FANCA: variants seen among roughly 807,000 people sequenced by gnomAD.
The protein encoded by FANCA is FA complementation group A.
A neutral mutation model predicts 194.3 loss-of-function variants in FANCA; 236 were observed. That is an observed-to-expected ratio of 1.21 (90% CI 1.09 to 1.35). The LOEUF (loss-of-function observed/expected upper bound fraction) is 1.35. Among genes scored for constraint, FANCA ranks in the 40% most tolerant of loss-of-function variants. FANCA has a pLI of 0.00. For missense variants in FANCA, 2,628 were observed against 1,813.9 expected (o/e 1.45, Z -8.15); for synonymous variants, 1,014 against 715.8 (o/e 1.42, Z -6.65).
intron 10 of FANCA, 43 bp from the exon 11 acceptor site, chr16:89,796,061 C>T: frequency 1.4e-6 from 2 of 1,451,270 alleles, no homozygotes; most frequent in Non-Finnish European, 1.9e-6. Context: ...GGGAGGGTGC[C>T]TTGCACGCCA....
chr16:89,802,597 A>AT (rs1290684945), intron 8 of FANCA, among the ~76,000 whole-genome samples: 4 of 150,334 alleles, frequency 2.7e-5, no homozygotes, highest in Non-Finnish European at 4.4e-5. Context: ...TAGAGACGGG[A>AT]TTTTACCATG....
chr16:89,765,251 C>T (rs1198935367), intron 27 of FANCA, among the ~76,000 whole-genome samples, 185 bp from the exon 28 acceptor site: 2 of 151,916 alleles, frequency 1.3e-5, no homozygotes, highest in East Asian at 3.9e-4. Context: ...CTCAGTCCAG[C>T]CCCTGGGAGG....
At chr16:89,799,468 G>A in intron 9 of FANCA, 137 bp downstream of exon 9, 3 of 1,011,172 alleles carry the variant, frequency 3.0e-6, no homozygotes, top group East Asian at 2.4e-5. Context: ...CCAAAACAAG[G>A]GCATTCCAGT....
In FANCA at chr16:89,773,347, A is replaced by G. The variant is rs1429790431; in HGVS notation, c.1938T>C (p.Ala646=). 1.3e-6 allele frequency: 2 copies of G among 1,551,600 alleles called. No individual in the cohort carries two copies. The highest frequency in any genetic ancestry group is 2.0e-5 in the Admixed American group (1 of 50,996). Residue 646 remains alanine, a synonymous_variant, in exon 22 of 43, where the codon GCT becomes GCC. Coordinates refer to ENST00000389301, the MANE Select transcript of FANCA (RefSeq NM_000135.4). ...ALGVRAEPNS[A]EEPLGQLTAA... ...CTGTGAGCTGTCCCAGGGGCTCCTC[A>G]GCAGAGTTGGGTTCTGCCCTCACTC...
In FANCA at chr16:89,779,864, C is replaced by G; in HGVS notation, c.1715+5G>C. 5 of 1,613,316 alleles carry G rather than the reference C, an allele frequency of 3.1e-6. No homozygotes were observed. Among genetic ancestry groups the G allele is most frequent in the Non-Finnish European group, 4.2e-6 (5 of 1,179,890 alleles). ...GCTAGAGGCCTTTTCGGCAGCCCAG[C>G]CTACCTGGCCTCCATGACGGTGACT... is the stretch of plus-strand genomic sequence containing the variant. On this transcript the variant is annotated splice_donor_5th_base_variant and intron_variant, in intron 18 of 42. Coordinates refer to ENST00000389301, the MANE Select transcript of FANCA (RefSeq NM_000135.4).
intron 30 of FANCA, among the ~76,000 whole-genome samples, chr16:89,754,230 AAAAAC>A (rs200218695): frequency 5.4e-5 from 8 of 149,412 alleles, no homozygotes; most frequent in South Asian, 4.2e-4. Context: ...TCAGAAAAAA[AAAAAC>A]AAAACAAAAC....
chr16:89,793,895 C>T (rs1241438031), intron 11 of FANCA, among the ~76,000 whole-genome samples: 5 of 152,116 alleles, frequency 3.3e-5, no homozygotes, highest in South Asian at 2.1e-4. Flanking sequence ...GGACTACAGG[C>T]GCCCACCACC....
In FANCA at chr16:89,737,636, TTAAAGATCTTAA is replaced by T. The variant is rs2061981619; in HGVS notation, c.*953_*964del. ...GCCACGTGACAGTGTATAAAGCAGT[TTAAAGATCTTAA>T]TAAACGAGGCCCTCATAGGCCCCTT... is the stretch of plus-strand genomic sequence containing the variant. On this transcript the variant is annotated 3_prime_UTR_variant, in exon 43 of 43. Transcript: ENST00000389301. 7.5e-7 allele frequency: 1 copy of T among 1,335,820 alleles called. No individual in the cohort carries two copies. The highest frequency in any genetic ancestry group is 1.0e-6 in the Non-Finnish European group (1 of 1,002,050). 82.7% of individuals were successfully genotyped at this position (1,335,820 alleles called of 1,614,324 possible). A position where few individuals can be genotyped will look rare whatever the true frequency, so the allele number is the denominator to read the frequency against.
At chr16:89,746,194 C>T (rs1476946917) in intron 35 of FANCA, among the ~76,000 whole-genome samples, 1 of 152,146 alleles carries the variant, frequency 6.6e-6, no homozygotes, top group Non-Finnish European at 1.5e-5. Context: ...TAGTCAGGCG[C>T]AAGTGGGCCA....
chr16:89,769,560 C>T, intron 26 of FANCA: 1 of 470,024 alleles, frequency 2.1e-6, no homozygotes, highest in South Asian at 2.1e-5. Context: ...CTCACCAGGA[C>T]ATCAAAGAAT....
At chr16:89,813,371 G>A (rs1443758897) in intron 3 of FANCA, among the ~76,000 whole-genome samples, 1 of 150,656 alleles carries the variant, frequency 6.6e-6, no homozygotes, top group Non-Finnish European at 1.5e-5. Context: ...TTGCACCACG[G>A]CTCTCCAGTC....
At chr16:89,791,581 A>G in intron 13 of FANCA, 45 bp from the exon 14 acceptor site, 1 of 1,611,996 alleles carries the variant, frequency 6.2e-7, no homozygotes. Flanking sequence ...AAGGGCAGCC[A>G]GCAGGAACAT....
intron 18 of FANCA, 136 bp from the exon 19 acceptor site, chr16:89,779,139 G>A (rs2039617024): frequency 4.8e-6 from 4 of 830,752 alleles, no homozygotes; most frequent in East Asian, 2.7e-5. Flanking sequence ...GTCTTCTTGT[G>A]CACAGTTCCG....
intron 11 of FANCA, among the ~76,000 whole-genome samples, chr16:89,794,101 T>G (rs923622472): frequency 5.3e-5 from 8 of 152,268 alleles, no homozygotes; most frequent in African/African-American, 1.4e-4. Flanking sequence ...AATATGTACT[T>G]TTTCAGTTAT....
At chr16:89,764,696 T>G (rs1320530500) in intron 28 of FANCA, 194 bp downstream of exon 28, 1 of 711,314 alleles carries the variant, frequency 1.4e-6, no homozygotes, top group Non-Finnish European at 2.6e-6. Context: ...TTCTTGCCTC[T>G]GAGGAGACAG....
chr16:89,782,876 C>G lies in FANCA; in HGVS notation c.1609G>C (p.Ala537Pro). 6.2e-7 allele frequency: 1 copy of G among 1,614,106 alleles called. No individual in the cohort carries two copies. Among genetic ancestry groups the G allele is most frequent in the Non-Finnish European group, 8.5e-7 (1 of 1,179,940 alleles). The change falls in exon 17 of 43, where the codon GCT (alanine) becomes CCT (proline). Residue 537 changes from alanine (A) to proline (P), a missense_variant. Ala to Pro is a conservative substitution (Grantham distance 27). Transcript: ENST00000389301. ...NMGLYEDLSS[A>P]GDITEPHSQA... ...AACATTACCTCAGTAATGTCCCCAG[C>G]TGATGACAAATCCTCGTAGAGTCCC... is the stretch of plus-strand genomic sequence containing the variant.
intron 14 of FANCA, among the ~76,000 whole-genome samples, chr16:89,788,485 C>T (rs62052710): frequency 0.059 from 9,001 of 151,826 alleles, 411 homozygotes; most frequent in East Asian, 0.22. Context: ...ACTGAATATG[C>T]ATATATACAT....
chr16:89,762,831 G>A (rs781625805), intron 28 of FANCA: 41 of 435,846 alleles, frequency 9.4e-5, no homozygotes, highest in Non-Finnish European at 1.2e-4. Flanking sequence ...GGCCGAGCAC[G>A]GTGGCTCATG....
intron 11 of FANCA, chr16:89,792,748 G>A (rs967907238): frequency 5.1e-5 from 27 of 529,830 alleles, no homozygotes; most frequent in Middle Eastern, 5.4e-4. Flanking sequence ...CGCGGAGACC[G>A]GTAGTGGCCC....
Sources: allele counts gnomAD v4.1 joint callset (sites outside exome capture counted in the v4.1 genomes callset), GRCh38; gene constraint gnomAD v4.1.1; transcripts MANE v1.5; gene names NCBI Gene and HGNC (gene_info 2026-07-23, HGNC 2026-07-21).